GRID2: variants seen among roughly 807,000 people sequenced by gnomAD.
GRID2 encodes glutamate receptor ionotropic, delta-2.
Under a neutral mutation model 114.8 loss-of-function variants are expected in GRID2, and 33 were observed. That is an observed-to-expected ratio of 0.29 (90% CI 0.22 to 0.38). The LOEUF (loss-of-function observed/expected upper bound fraction) is 0.38. Ranked by LOEUF, GRID2 falls within the 10% of genes least tolerant of loss-of-function variation. The probability of loss-of-function intolerance (pLI) is 1.00; values close to 1 mark genes in which losing one functional copy is unlikely to be tolerated. For synonymous variants in GRID2, 505 were observed against 449.9 expected (o/e 1.12, Z -1.55); for missense variants, 1,184 against 1,257.7 (o/e 0.94, Z 0.89).
At chr4:93,463,607 AAAAG>A (rs1723958729) in intron 11 of GRID2, among the ~76,000 whole-genome samples, 1 of 152,242 alleles carries the variant, frequency 6.6e-6, no homozygotes, top group Non-Finnish European at 1.5e-5. Context: ...AGTATTTAAC[AAAAG>A]AAAGAAGCTG....
intron 1 of GRID2, among the ~76,000 whole-genome samples, chr4:92,426,075 A>G (rs754251566): frequency 7.9e-5 from 12 of 152,132 alleles, no homozygotes; most frequent in Non-Finnish European, 1.8e-4. Context: ...AATGCAATGA[A>G]TACTTTATGA....
intron 13 of GRID2, among the ~76,000 whole-genome samples, chr4:93,539,231 C>G (rs1732408935): frequency 6.6e-6 from 1 of 151,910 alleles, no homozygotes; most frequent in Middle Eastern, 3.2e-3. Flanking sequence ...ACCAAATCCC[C>G]ATTATAATTG....
intron 8 of GRID2, among the ~76,000 whole-genome samples, chr4:93,286,629 T>C (rs1753178855): frequency 6.6e-6 from 1 of 151,522 alleles, no homozygotes; most frequent in Non-Finnish European, 1.5e-5. Context: ...GACCATCACC[T>C]CCGGAAACTT....
chr4:93,546,599 A>T (rs889704620), intron 13 of GRID2, among the ~76,000 whole-genome samples: 1 of 152,200 alleles, frequency 6.6e-6, no homozygotes, highest in Non-Finnish European at 1.5e-5. Context: ...GTTAAATTAT[A>T]AAAGTGCTCT....
chr4:93,608,162 A>C (rs1260332498), intron 13 of GRID2, among the ~76,000 whole-genome samples: 1 of 150,036 alleles, frequency 6.7e-6, no homozygotes, highest in Non-Finnish European at 1.5e-5. Context: ...ATATACACAT[A>C]TGTATTCTGG....
chr4:92,757,154 ATTC>A (rs1327330181), intron 2 of GRID2, among the ~76,000 whole-genome samples: 1 of 152,178 alleles, frequency 6.6e-6, no homozygotes, highest in East Asian at 1.9e-4. Flanking sequence ...ATCTAGTTTT[ATTC>A]TTCTGTATAT....
chr4:93,530,309 G>A (rs1340428093), intron 13 of GRID2, among the ~76,000 whole-genome samples: 2 of 152,092 alleles, frequency 1.3e-5, no homozygotes, highest in Non-Finnish European at 2.9e-5. Flanking sequence ...GCATTCAAAA[G>A]TCTCTATAGG....
At chr4:92,929,953 T>C (rs1750100888) in intron 2 of GRID2, among the ~76,000 whole-genome samples, 1 of 151,376 alleles carries the variant, frequency 6.6e-6, no homozygotes, top group Non-Finnish European at 1.5e-5. Flanking sequence ...CTTAGGTATG[T>C]AAAACACTTT....
At position 92,606,729 on chromosome 4, in the gene GRID2, C is replaced by T. The variant is rs1258034029; in HGVS notation, c.244+16443C>T. Among the ~76,000 whole-genome samples the T allele has an allele frequency of 2.6e-5, 4 of 151,998 alleles. No individual in the cohort carries two copies. The East Asian group carries it at 7.8e-4, about 29-fold the overall frequency. ...GTAATTTAACCCATTGAAAAAGAAG[C>T]CCTACCTAAATTATCCTATTTTGAG... On this transcript the variant is annotated intron_variant, in intron 2 of 15. Coordinates refer to ENST00000282020, the MANE Select transcript of GRID2 (RefSeq NM_001510.4).
chr4:92,612,651 TA>T (rs1729812726), intron 2 of GRID2, among the ~76,000 whole-genome samples: 1 of 151,564 alleles, frequency 6.6e-6, no homozygotes, highest in African/African-American at 2.4e-5. Flanking sequence ...TGGCTTTCAT[TA>T]TACAAATCTT....
At chr4:92,347,686 A>G (rs1013992498) in intron 1 of GRID2, among the ~76,000 whole-genome samples, 5 of 152,168 alleles carry the variant, frequency 3.3e-5, no homozygotes, top group Non-Finnish European at 4.4e-5. Flanking sequence ...CAGAAATTAC[A>G]TAAGATGAAA....
At position 93,592,463 on chromosome 4, in the gene GRID2, T is replaced by A. The variant is rs893697844; in HGVS notation, c.2194-33806T>A. ...CTGTTCTTTTACATTTGCTGAGGAG[T>A]GCTTTACTTCCAAGTATGTGGTCAA... is the stretch of plus-strand genomic sequence containing the variant. On this transcript the variant is annotated intron_variant, in intron 13 of 15. Transcript: ENST00000282020. Among the ~76,000 whole-genome samples, 292 of 152,122 alleles carry A rather than the reference T, an allele frequency of 1.9e-3. 1 individual carries two copies. Among genetic ancestry groups the A allele is most frequent in the Non-Finnish European group, 3.0e-3 (201 of 68,000 alleles).
intron 2 of GRID2, among the ~76,000 whole-genome samples, chr4:92,993,896 C>G (rs540124988): frequency 2.0e-5 from 3 of 152,122 alleles, no homozygotes; most frequent in South Asian, 4.2e-4. Flanking sequence ...TTTCTTGTAT[C>G]CTTGTTCCCA....
chr4:93,606,648 G>A lies in GRID2; in HGVS notation c.2194-19621G>A, dbSNP rs551649510. ...AGCAATTTTATCATAAATTTTATGT[G>A]TATTGGGTTTCTTCCAATCTTCTTC... On this transcript the variant is annotated intron_variant, in intron 13 of 15. Transcript: ENST00000282020. Among the ~76,000 whole-genome samples, 574 of 152,244 alleles carry A rather than the reference G, an allele frequency of 3.8e-3. 2 individuals are homozygous for A. The highest frequency in any genetic ancestry group is 6.2e-3 in the Non-Finnish European group (424 of 68,014).
At chr4:93,296,025 T>A (rs747265720) in intron 8 of GRID2, among the ~76,000 whole-genome samples, 30 of 151,154 alleles carry the variant, frequency 2.0e-4, no homozygotes, top group Middle Eastern at 3.4e-3. Context: ...AATAGGTAGC[T>A]TGAAATAGCA....
intron 2 of GRID2, among the ~76,000 whole-genome samples, chr4:92,852,261 T>G (rs1743871169): frequency 6.6e-6 from 1 of 151,796 alleles, no homozygotes; most frequent in Non-Finnish European, 1.5e-5. Flanking sequence ...ATTCCTCATC[T>G]TTACCTTTTT....
At chr4:93,523,346 C>T (rs1730521434) in intron 13 of GRID2, among the ~76,000 whole-genome samples, 2 of 151,964 alleles carry the variant, frequency 1.3e-5, no homozygotes, top group African/African-American at 4.8e-5. Flanking sequence ...GCCACTTGTC[C>T]CAGTGTTATT....
chr4:93,809,676 T>A (rs1253158680), exon 2 of GRID2: 2 of 152,232 alleles, frequency 1.3e-5, no homozygotes, highest in African/African-American at 4.8e-5. Flanking sequence ...GTTTCCAAAA[T>A]ATTTTCAAAT....
At chr4:92,594,516 A>C (rs1043502850) in intron 2 of GRID2, among the ~76,000 whole-genome samples, 1 of 151,958 alleles carries the variant, frequency 6.6e-6, no homozygotes, top group East Asian at 1.9e-4. Flanking sequence ...GTGTCCCTTT[A>C]GAGAAAGTTT....
Sources: gnomAD v4.1 joint callset for allele counts (sites outside exome capture counted in the v4.1 genomes callset) on GRCh38, gnomAD v4.1.1 for gene constraint, MANE v1.5 for transcripts, NCBI Gene and HGNC (gene_info 2026-07-23, HGNC 2026-07-21) for gene names.